Variants in NACC2 observed in about 807,000 individuals in gnomAD.
NACC2 encodes nucleus accumbens-associated protein 2.
Under a neutral mutation model 25.1 loss-of-function variants are expected in NACC2, and 8 were observed. That is an observed-to-expected ratio of 0.32 (90% CI 0.19 to 0.57). The LOEUF is 0.57. NACC2 is among the 20% of genes least tolerant of loss of function. The probability of loss-of-function intolerance (pLI) is 0.89; values close to 1 mark genes in which losing one functional copy is unlikely to be tolerated. For synonymous variants in NACC2, 435 were observed against 294.7 expected (o/e 1.48, Z -4.88); for missense variants, 644 against 650.2 (o/e 0.99, Z 0.10).
chr9:136,026,572 G>C (rs1261809716), intron 2 of NACC2, among the ~76,000 whole-genome samples: 1 of 152,090 alleles, frequency 6.6e-6, no homozygotes, highest in African/African-American at 2.4e-5. Context: ...AGATAGGAGG[G>C]AGTGAGGTAA....
chr9:136,017,222 C>T lies in NACC2; in HGVS notation c.887-793G>A, dbSNP rs570904897. Among the ~76,000 whole-genome samples, 12 of 152,302 alleles carry T rather than the reference C, an allele frequency of 7.9e-5. No individual in the cohort carries two copies. In the South Asian group the frequency reaches 2.3e-3, roughly 29 times the overall value. On this transcript the variant is annotated intron_variant, in intron 2 of 5. Transcript: ENST00000277554. ...GGCCAGGCGCCCTGCATCCTCAGGACCTGCAGCTGTGCAGCGCGACCCCGA... is the reference window on the plus strand; with the variant it reads ...GGCCAGGCGCCCTGCATCCTCAGGATCTGCAGCTGTGCAGCGCGACCCCGA...
chr9:136,062,114 A>AGACGG (rs1483418059), intron 1 of NACC2, among the ~76,000 whole-genome samples: 1 of 142,448 alleles, frequency 7.0e-6, no homozygotes, highest in African/African-American at 2.7e-5. Flanking sequence ...CAACAGAGCG[A>AGACGG]GACAGGACAG....
intron 5 of NACC2, among the ~76,000 whole-genome samples, chr9:136,012,261 C>T (rs528072301): frequency 1.3e-5 from 2 of 152,370 alleles, no homozygotes; most frequent in African/African-American, 4.8e-5. Flanking sequence ...TGGTCAGGCC[C>T]AGCAGCCTTG....
At chr9:136,081,090 C>T (rs975159922) in intron 1 of NACC2, among the ~76,000 whole-genome samples, 1 of 152,068 alleles carries the variant, frequency 6.6e-6, no homozygotes, top group Non-Finnish European at 1.5e-5. Context: ...GGAGAAGAAA[C>T]GCGCGTTTCC....
Position 136,050,476 on chromosome 9 carries a change from C to T in NACC2, c.46G>A (p.Val16Met). 1.3e-6 allele frequency: 1 copy of T among 765,646 alleles called. No homozygotes were observed. The highest frequency in any genetic ancestry group is 2.4e-5 in the East Asian group (1 of 41,218). The allele number at this position is 765,646 out of a possible 1,614,324, so 47.4% of individuals were successfully genotyped here. A position where few individuals can be genotyped will look rare whatever the true frequency, so the allele number is the denominator to read the frequency against. The stretch of plus-strand genomic sequence containing the variant: ...CGCTGCTCGTTCAGGCAGCCCAGCA[C>T]TGTGTTCCCGAAGTTGGGGATCTCG... The part of the protein sequence containing the change: ...HIEIPNFGNT[V>M]LGCLNEQRLL... Residue 16 changes from valine (V) to methionine (M), a missense_variant, in exon 2 of 6, where the codon GTG becomes ATG. Coordinates refer to ENST00000277554, the MANE Select transcript of NACC2 (RefSeq NM_144653.5).
rs1840118625 is a variant in NACC2, at chr9:136,012,024, A to G, written c.1256T>C (p.Leu419Ser). ...GCTGGGGGCGAAGTTCTGACAGTAC[A>G]CTGTGAGGACGGGGCGGCGTGAGCT... The part of the protein sequence containing the change: ...LDSRVLNAVK[L>S]YCQNFAPSFK... The change falls in exon 6 of 6, where the codon TTG becomes TCG. Residue 419 changes from leucine to serine, a missense_variant and splice_region_variant. Coordinates refer to ENST00000277554, the MANE Select transcript of NACC2 (RefSeq NM_144653.5). 2 of 1,561,986 alleles carry G rather than the reference A, an allele frequency of 1.3e-6. No individual in the cohort carries two copies. Among genetic ancestry groups the G allele is most frequent in the Admixed American group, 1.7e-5 (1 of 57,364 alleles).
chr9:136,047,311 C>T (rs1840745315), intron 2 of NACC2, among the ~76,000 whole-genome samples: 1 of 152,188 alleles, frequency 6.6e-6, no homozygotes, highest in Non-Finnish European at 1.5e-5. Context: ...GCCAACCCAG[C>T]ACACCCAGCG....
Position 136,010,396 on chromosome 9 carries a change from C to G in NACC2, c.*1120G>C, listed in dbSNP as rs1289062872. On this transcript the variant is annotated 3_prime_UTR_variant, in exon 6 of 6. Coordinates refer to ENST00000277554, the MANE Select transcript of NACC2 (RefSeq NM_144653.5). The surrounding 1 kb of genome is among the most constrained non-coding windows in gnomAD (Gnocchi z 4.9). ...GCTGCCTCCTGCCCGAGCGGAGTCC[C>G]CCGCTCCCCAGGTCCGGCCCTGAGC... is the stretch of plus-strand genomic sequence containing the variant. 6.5e-6 allele frequency: 1 copy of G among 152,848 alleles called. No homozygotes were observed. The highest frequency in any genetic ancestry group is 1.5e-5 in the Non-Finnish European group (1 of 68,554). The allele number at this position is 152,848 out of a possible 1,614,324, so 9.5% of individuals were successfully genotyped here.
At chr9:136,053,827 G>A (rs891002811) in intron 1 of NACC2, among the ~76,000 whole-genome samples, 1 of 152,224 alleles carries the variant, frequency 6.6e-6, no homozygotes. Context: ...AGGCCAGCAC[G>A]GCGCACCGGT....
At position 136,019,761 on chromosome 9, in the gene NACC2, C is replaced by T. The variant is rs976898366; in HGVS notation, c.887-3332G>A. 6.7e-4 allele frequency among the ~76,000 whole-genome samples: 102 copies of T among 152,140 alleles called. No individual in the cohort carries two copies. Among genetic ancestry groups the T allele is most frequent in the African/African-American group, 2.4e-3 (100 of 41,490 alleles). ...ACACAAGGACAAATGCTGCCCGGGG[C>T]GCGGGGTTGGGGCCTTCAGGGACCC... On this transcript the variant is annotated intron_variant, in intron 2 of 5. Coordinates refer to ENST00000277554, the MANE Select transcript of NACC2 (RefSeq NM_144653.5). This position sits in a 1 kb window ranked among gnomAD's most constrained non-coding sequence, Gnocchi z 5.2.
intron 1 of NACC2, among the ~76,000 whole-genome samples, chr9:136,059,667 G>GAC (rs1840980882): frequency 6.6e-6 from 1 of 152,216 alleles, no homozygotes; most frequent in Non-Finnish European, 1.5e-5. Context: ...CGGCCACGGG[G>GAC]ACACCCTGCA....
chr9:136,059,868 C>T (rs1840983496), intron 1 of NACC2, among the ~76,000 whole-genome samples: 1 of 152,212 alleles, frequency 6.6e-6, no homozygotes, highest in Admixed American at 6.5e-5. Context: ...CAAAAGGACC[C>T]CAACCCCTCC....
At chr9:136,026,741 A>G (rs1243935919) in intron 2 of NACC2, among the ~76,000 whole-genome samples, 1 of 152,234 alleles carries the variant, frequency 6.6e-6, no homozygotes, top group Non-Finnish European at 1.5e-5. Flanking sequence ...CCTAACCTAC[A>G]AGAACAGTAT....
intron 2 of NACC2, among the ~76,000 whole-genome samples, chr9:136,048,523 C>G (rs1423717058): frequency 6.6e-6 from 1 of 152,262 alleles, no homozygotes; most frequent in Non-Finnish European, 1.5e-5. Flanking sequence ...GGCCTGTGAG[C>G]TGGCATTCTG....
At chr9:136,094,570 G>A (rs1013565397) in intron 1 of NACC2, among the ~76,000 whole-genome samples, 1 of 152,184 alleles carries the variant, frequency 6.6e-6, no homozygotes, top group Non-Finnish European at 1.5e-5. Flanking sequence ...GCTGGCAAGA[G>A]GCAGAGCCCC....
chr9:136,088,277 C>T (rs1313599978), intron 1 of NACC2, among the ~76,000 whole-genome samples: 1 of 152,128 alleles, frequency 6.6e-6, no homozygotes, highest in Non-Finnish European at 1.5e-5. Context: ...CCACATCAGG[C>T]CCAGATGGAA....
In NACC2 at chr9:136,013,162, C is replaced by G; in HGVS notation, c.1255+37G>C. On this transcript the variant is annotated intron_variant, in intron 5 of 5. Coordinates refer to ENST00000277554, the MANE Select transcript of NACC2 (RefSeq NM_144653.5). This position sits in a 1 kb window ranked among gnomAD's most constrained non-coding sequence, Gnocchi z 6.6. ...CTCAGGCTGGGATCTGAACCCAGCC[C>G]CGGCCCCACCCACCCGAGAGACCCC... The G allele has an allele frequency of 1.2e-6, 1 of 835,550 alleles. No homozygotes were observed. Among genetic ancestry groups the G allele is most frequent in the Non-Finnish European group, 2.1e-6 (1 of 482,820 alleles). The allele number at this position is 835,550 out of a possible 1,614,324, so 51.8% of individuals were successfully genotyped here. A position where few individuals can be genotyped will look rare whatever the true frequency, so the allele number is the denominator to read the frequency against.
rs186061859 is a variant in NACC2 at position 136,085,764 on chromosome 9, T to A, written c.-60+9425A>T. On this transcript the variant is annotated intron_variant, in intron 1 of 5. Transcript: ENST00000277554. ...TTTTTCTGTAAGTTTAATTACTTTA[T>A]CTTTTACCTTTTTTCTTAAACATCT... Among the ~76,000 whole-genome samples, 472 of 152,368 alleles carry A rather than the reference T, an allele frequency of 3.1e-3. 1 individual carries two copies. The highest frequency in any genetic ancestry group is 5.6e-3 in the Non-Finnish European group (378 of 68,024).
intron 1 of NACC2, among the ~76,000 whole-genome samples, chr9:136,069,449 T>C (rs965329390): frequency 6.6e-6 from 1 of 151,336 alleles, no homozygotes; most frequent in African/African-American, 2.5e-5. Flanking sequence ...CTCGGGAGGC[T>C]GAGGCAGGAG....
Sources: gnomAD v4.1 joint callset for allele counts (sites outside exome capture counted in the v4.1 genomes callset) on GRCh38, gnomAD v4.1.1 for gene constraint, Gnocchi (gnomAD v3.1) non-coding constraint, MANE v1.5 for transcripts, NCBI Gene and HGNC (gene_info 2026-07-23, HGNC 2026-07-21) for gene names.